The following DCC variants were observed in gnomAD, a reference collection of about 807,000 sequenced individuals.
DCC encodes the protein netrin receptor DCC.
A neutral mutation model predicts 172.5 loss-of-function variants in DCC; 58 were observed. The observed-to-expected ratio is 0.34, with a 90% confidence interval of 0.27 to 0.42. The LOEUF is 0.42. DCC is among the 10% of genes least tolerant of loss of function. The probability of loss-of-function intolerance (pLI) is 1.00; values close to 1 mark genes in which losing one functional copy is unlikely to be tolerated. For missense variants in DCC, 1,740 were observed against 1,791.0 expected (o/e 0.97, Z 0.51); for synonymous variants, 709 against 644.5 (o/e 1.10, Z -1.52).
intron 2 of DCC, among the ~76,000 whole-genome samples, chr18:52,829,669 T>C (rs1018409575): frequency 6.6e-6 from 1 of 152,194 alleles, no homozygotes; most frequent in Non-Finnish European, 1.5e-5. Context: ...GTGTGAGATC[T>C]GTGTTCACAT....
At chr18:52,868,049 ATATATGTGTG>A (rs1171390116) in intron 2 of DCC, among the ~76,000 whole-genome samples, 2 of 106,430 alleles carry the variant, frequency 1.9e-5, no homozygotes, top group African/African-American at 3.3e-5. Flanking sequence ...ATATATATAT[ATATATGTGTG>A]TGTGTGTGTG....
At chr18:52,558,042 T>G (rs2032955010) in intron 1 of DCC, among the ~76,000 whole-genome samples, 1 of 152,168 alleles carries the variant, frequency 6.6e-6, no homozygotes, top group South Asian at 2.1e-4. Context: ...GTTCTTATGT[T>G]TTCCTTCAGA....
intron 1 of DCC, among the ~76,000 whole-genome samples, chr18:52,479,587 C>A (rs931562220): frequency 1.3e-5 from 2 of 149,960 alleles, no homozygotes; most frequent in Non-Finnish European, 1.5e-5. Context: ...TCCACCCCCC[C>A]CCCGTCTCCC....
chr18:53,071,688 C>G (rs2042653195), intron 7 of DCC, among the ~76,000 whole-genome samples: 1 of 152,112 alleles, frequency 6.6e-6, no homozygotes, highest in Non-Finnish European at 1.5e-5. Flanking sequence ...CTCCTTAGAT[C>G]TGGGGACAGA....
intron 7 of DCC, among the ~76,000 whole-genome samples, chr18:53,145,864 T>G (rs919958067): frequency 6.6e-6 from 1 of 152,232 alleles, no homozygotes; most frequent in African/African-American, 2.4e-5. Flanking sequence ...TAGGGACTGA[T>G]GTACCTGCAC....
intron 1 of DCC, among the ~76,000 whole-genome samples, chr18:52,614,719 C>T (rs2034345570): frequency 6.6e-6 from 1 of 151,954 alleles, no homozygotes; most frequent in Non-Finnish European, 1.5e-5. Flanking sequence ...GAAAGATAGT[C>T]CCTTGGTGAA....
chr18:52,736,161 T>A (rs888256340), intron 1 of DCC, among the ~76,000 whole-genome samples: 1 of 152,028 alleles, frequency 6.6e-6, no homozygotes, highest in African/African-American at 2.4e-5. Flanking sequence ...GTCACCTTGG[T>A]CAGGACAGTT....
intron 1 of DCC, among the ~76,000 whole-genome samples, chr18:52,406,597 C>G (rs1986660584): frequency 6.6e-6 from 1 of 152,090 alleles, no homozygotes; most frequent in Non-Finnish European, 1.5e-5. Flanking sequence ...TCTGCAATCT[C>G]TGTGCCCTTC....
intron 25 of DCC, among the ~76,000 whole-genome samples, chr18:53,480,198 G>A (rs2045815528): frequency 6.6e-6 from 1 of 152,192 alleles, no homozygotes; most frequent in African/African-American, 2.4e-5. Context: ...CAGATAGAAG[G>A]AGTATAGTAG....
intron 12 of DCC, among the ~76,000 whole-genome samples, chr18:53,295,388 G>T (rs1250262600): frequency 6.6e-6 from 1 of 152,024 alleles, no homozygotes; most frequent in Non-Finnish European, 1.5e-5. Context: ...GGTAAAATAA[G>T]TTTATAGATT....
intron 5 of DCC, chr18:52,941,196 G>A (rs2145523599): frequency 6.6e-6 from 1 of 152,036 alleles, no homozygotes; most frequent in Non-Finnish European, 1.5e-5. Flanking sequence ...AAAAGTTTAA[G>A]TCTTTTTAAT....
intron 1 of DCC, among the ~76,000 whole-genome samples, chr18:52,515,608 A>AAAAAAAAAAAAC (rs2031607438): frequency 7.9e-6 from 1 of 126,674 alleles, no homozygotes; most frequent in Non-Finnish European, 1.7e-5. Context: ...CCCTGTCTCA[A>AAAAAAAAAAAAC]AAAAAAAAAA....
intron 9 of DCC, among the ~76,000 whole-genome samples, chr18:53,204,241 C>CA (rs2055590063): frequency 6.6e-6 from 1 of 151,870 alleles, no homozygotes; most frequent in Admixed American, 6.6e-5. Context: ...CTGAAAGTTT[C>CA]AAAATCTTAA....
At chr18:53,161,130 C>T (rs1212975787) in intron 8 of DCC, among the ~76,000 whole-genome samples, 1 of 152,206 alleles carries the variant, frequency 6.6e-6, no homozygotes, top group Non-Finnish European at 1.5e-5. Flanking sequence ...GCTCTGTTCT[C>T]TTTCATAGGA....
intron 5 of DCC, among the ~76,000 whole-genome samples, chr18:52,963,288 G>A (rs1016362707): frequency 4.0e-5 from 6 of 151,200 alleles, no homozygotes; most frequent in Non-Finnish European, 7.4e-5. Context: ...TAATAAGCAT[G>A]CCTACATGAT....
intron 22 of DCC, among the ~76,000 whole-genome samples, chr18:53,439,405 G>T (rs927220591): frequency 6.6e-6 from 1 of 152,068 alleles, no homozygotes; most frequent in Admixed American, 6.5e-5. Flanking sequence ...TTTAAACCTT[G>T]TATACAATAA....
chr18:52,824,759 T>C (rs1271395313), intron 2 of DCC, among the ~76,000 whole-genome samples: 2 of 151,910 alleles, frequency 1.3e-5, no homozygotes, highest in Non-Finnish European at 2.9e-5. Flanking sequence ...TCACCTGAGG[T>C]CAGGAGTCCA....
chr18:52,377,259 C>T (rs552969668), intron 1 of DCC, among the ~76,000 whole-genome samples: 26 of 152,270 alleles, frequency 1.7e-4, no homozygotes, highest in African/African-American at 5.3e-4. Context: ...GCCTACATTA[C>T]TATCCTGAGC....
chr18:53,266,783 G>C (rs1364013588), intron 12 of DCC, among the ~76,000 whole-genome samples: 1 of 151,292 alleles, frequency 6.6e-6, no homozygotes, highest in East Asian at 1.9e-4. Context: ...TACTAGATGT[G>C]GTCTGTTGTG....
Sources: allele counts gnomAD v4.1 joint callset (sites outside exome capture counted in the v4.1 genomes callset), GRCh38; gene constraint gnomAD v4.1.1; transcripts MANE v1.5; gene names NCBI Gene and HGNC (gene_info 2026-07-23, HGNC 2026-07-21).